Variants in MPZL1 observed in about 807,000 individuals in gnomAD.
The protein encoded by MPZL1 is myelin protein zero like 1.
Under a neutral mutation model 29.3 loss-of-function variants are expected in MPZL1, and 16 were observed. The observed-to-expected ratio is 0.55, with a 90% confidence interval of 0.37 to 0.83. The LOEUF (loss-of-function observed/expected upper bound fraction) is 0.83. MPZL1 is among the 40% of genes least tolerant of loss of function. The pLI, the probability that MPZL1 is intolerant of heterozygous loss-of-function variation, is 0.00. For missense variants in MPZL1, 279 were observed against 332.9 expected, an observed-to-expected ratio of 0.84 and a Z score of 1.26; for synonymous variants, 143 against 132.0, an observed-to-expected ratio of 1.08 and a Z score of -0.57.
At chr1:167,725,945 C>A (rs1048191366) in intron 1 of MPZL1, among the ~76,000 whole-genome samples, 1 of 152,238 alleles carries the variant, frequency 6.6e-6, no homozygotes, top group African/African-American at 2.4e-5. Flanking sequence ...ATCCATTCTT[C>A]ACAAAACTGC....
chr1:167,779,231 T>A (rs1384125657), intron 5 of MPZL1, among the ~76,000 whole-genome samples: 1 of 151,618 alleles, frequency 6.6e-6, no homozygotes, highest in Non-Finnish European at 1.5e-5. Context: ...GAAAAAAATA[T>A]GTAAAGAAAT....
chr1:167,752,145 A>T (rs1259893634), intron 1 of MPZL1, among the ~76,000 whole-genome samples: 1 of 152,134 alleles, frequency 6.6e-6, no homozygotes, highest in Non-Finnish European at 1.5e-5. Flanking sequence ...ACATCATCTC[A>T]TGTTTTTCTG....
chr1:167,723,330 C>G (rs918490190), intron 1 of MPZL1, among the ~76,000 whole-genome samples: 1 of 152,182 alleles, frequency 6.6e-6, no homozygotes, highest in Non-Finnish European at 1.5e-5. Flanking sequence ...ATCAGGGAAA[C>G]TAGGTGAAGT....
At chr1:167,782,459 AATTG>A (rs1205885699) in intron 5 of MPZL1, among the ~76,000 whole-genome samples, 1 of 152,148 alleles carries the variant, frequency 6.6e-6, no homozygotes, top group East Asian at 1.9e-4. Context: ...ACTTTGTACA[AATTG>A]ATTGAGTCTT....
chr1:167,765,941 G>A lies in MPZL1; in HGVS notation c.258+192G>A, dbSNP rs987584516. ...TCTCTTAAATGCGTCTGGTTTCCTT[G>A]TCTTTGATCAGTTCCTCTCCACCAT... is the stretch of plus-strand genomic sequence containing the variant. On this transcript the variant is annotated intron_variant, in intron 2 of 5. Transcript: ENST00000359523. The A allele has an allele frequency of 3.2e-5, 13 of 412,684 alleles. No homozygotes were observed. In the Admixed American group the frequency reaches 3.6e-4, roughly 11 times the overall value. The allele number at this position is 412,684 out of a possible 1,614,324, so 25.6% of individuals were successfully genotyped here. A position where few individuals can be genotyped will look rare whatever the true frequency, so the allele number is the denominator to read the frequency against.
intron 1 of MPZL1, among the ~76,000 whole-genome samples, chr1:167,742,986 G>T (rs895813692): frequency 6.6e-6 from 1 of 151,894 alleles, no homozygotes; most frequent in Non-Finnish European, 1.5e-5. Context: ...TTGTTCCTTT[G>T]GTCTATGTGC....
At chr1:167,729,837 G>T (rs1484072601) in intron 1 of MPZL1, among the ~76,000 whole-genome samples, 1 of 152,148 alleles carries the variant, frequency 6.6e-6, no homozygotes, top group African/African-American at 2.4e-5. Context: ...ACTCCTCACA[G>T]CTCTGTGCAA....
intron 5 of MPZL1, among the ~76,000 whole-genome samples, chr1:167,784,625 C>G (rs1297449296): frequency 6.6e-6 from 1 of 152,196 alleles, no homozygotes; most frequent in East Asian, 1.9e-4. Flanking sequence ...CACTCAGAAT[C>G]AAACTTCATA....
chr1:167,760,775 G>GTC (rs1257107861), intron 1 of MPZL1, among the ~76,000 whole-genome samples: 7 of 139,378 alleles, frequency 5.0e-5, no homozygotes, highest in Admixed American at 1.5e-4. Context: ...GTGTGTGTGT[G>GTC]TGTGTGTGTG....
chr1:167,768,119 A>G (rs1455681017), intron 2 of MPZL1, among the ~76,000 whole-genome samples: 3 of 151,892 alleles, frequency 2.0e-5, no homozygotes, highest in Non-Finnish European at 4.4e-5. Flanking sequence ...TCCAACCCTC[A>G]TATGCCAGCA....
chr1:167,746,482 G>A (rs1210512374), intron 1 of MPZL1, among the ~76,000 whole-genome samples: 2 of 152,224 alleles, frequency 1.3e-5, no homozygotes, highest in Non-Finnish European at 2.9e-5. Flanking sequence ...AATAACAGAA[G>A]AGTGAAGACA....
chr1:167,738,262 T>A (rs1032026732), intron 1 of MPZL1, among the ~76,000 whole-genome samples: 6 of 151,980 alleles, frequency 3.9e-5, no homozygotes, highest in Admixed American at 3.9e-4. Context: ...TTTTTTTGAT[T>A]TAACTAAATA....
At chr1:167,730,511 TC>T (rs1660240137) in intron 1 of MPZL1, among the ~76,000 whole-genome samples, 1 of 152,112 alleles carries the variant, frequency 6.6e-6, no homozygotes, top group Non-Finnish European at 1.5e-5. Context: ...ACTCCTGACT[TC>T]AGGTGATCCG....
intron 5 of MPZL1, among the ~76,000 whole-genome samples, chr1:167,783,601 C>G (rs1010937374): frequency 2.6e-5 from 4 of 152,314 alleles, no homozygotes; most frequent in African/African-American, 7.2e-5. Context: ...TCACAACAGT[C>G]CTCCAGGGTA....
At chr1:167,778,988 G>A (rs1199690567) in intron 5 of MPZL1, among the ~76,000 whole-genome samples, 1 of 152,122 alleles carries the variant, frequency 6.6e-6, no homozygotes, top group Non-Finnish European at 1.5e-5. Flanking sequence ...TGGGCATGGT[G>A]GCACGTGCCT....
At chr1:167,772,602 G>A (rs1661276143) in intron 3 of MPZL1, 114 bp downstream of exon 3, 4 of 933,924 alleles carry the variant, frequency 4.3e-6, no homozygotes, top group Non-Finnish European at 6.4e-6. Flanking sequence ...TTGCCATACA[G>A]TTGTGCTCCC....
In MPZL1 at chr1:167,738,417, C is replaced by T. The variant is rs1558110134; in HGVS notation, c.91+16175C>T. ...AACATAGTGATACAAATAAGATGTC[C>T]GTGTAACTACTAACCCCATTATTTA... On this transcript the variant is annotated intron_variant, in intron 1 of 5. Coordinates refer to ENST00000359523, the MANE Select transcript of MPZL1 (RefSeq NM_003953.6). Among the ~76,000 whole-genome samples, 6 of 152,228 alleles carry T rather than the reference C, an allele frequency of 3.9e-5. No homozygotes were observed. In the South Asian group the frequency reaches 1.0e-3, roughly 26 times the overall value.
chr1:167,739,278 T>TATATATATAC (rs1558110519), intron 1 of MPZL1, among the ~76,000 whole-genome samples: 8 of 87,712 alleles, frequency 9.1e-5, no homozygotes, highest in African/African-American at 6.2e-4. Flanking sequence ...TATATACATA[T>TATATATATAC]ATACATATAT....
chr1:167,736,948 C>G (rs1008072709), intron 1 of MPZL1, among the ~76,000 whole-genome samples: 1 of 152,156 alleles, frequency 6.6e-6, no homozygotes, highest in African/African-American at 2.4e-5. Flanking sequence ...TGCAACATTT[C>G]TGCATAATAC....
Sources: gnomAD v4.1 joint callset for allele counts (sites outside exome capture counted in the v4.1 genomes callset) on GRCh38, gnomAD v4.1.1 for gene constraint, MANE v1.5 for transcripts, NCBI Gene and HGNC (gene_info 2026-07-23, HGNC 2026-07-21) for gene names.